The following WIPF2 variants were observed in gnomAD, a reference collection of about 807,000 sequenced individuals.
WIPF2 encodes the protein WAS/WASL interacting protein family member 2.
Under a neutral mutation model 38.8 loss-of-function variants are expected in WIPF2, and 23 were observed. The observed-to-expected ratio is 0.59, with a 90% CI of 0.43 to 0.84. WIPF2 has a LOEUF of 0.84. WIPF2 is among the 40% of genes least tolerant of loss of function. The pLI, the probability that WIPF2 is intolerant of heterozygous loss-of-function variation, is 0.00. For missense variants in WIPF2, 574 were observed against 580.5 expected, an observed-to-expected ratio of 0.99 and a Z score of 0.11; for synonymous variants, 210 against 223.2, an observed-to-expected ratio of 0.94 and a Z score of 0.53.
intron 1 of WIPF2, among the ~76,000 whole-genome samples, chr17:40,242,104 C>T (rs1026244088): frequency 6.6e-6 from 1 of 152,134 alleles, no homozygotes; most frequent in African/African-American, 2.4e-5. Flanking sequence ...AGCTGTAATA[C>T]AATTTTACAA....
rs1204623207 is a variant in WIPF2 at position 40,280,608 on chromosome 17, T to A, written c.*2383T>A. Reference sequence around the variant, plus strand: ...ACTTTGACTGTGAAGTCTTCCCATTTATTTTTGAAATGGGAGTCGATGCCT... The same window carrying A: ...ACTTTGACTGTGAAGTCTTCCCATTAATTTTTGAAATGGGAGTCGATGCCT... On this transcript the variant is annotated 3_prime_UTR_variant, in exon 8 of 8. Coordinates refer to ENST00000323571, the MANE Select transcript of WIPF2 (RefSeq NM_133264.5). 6.6e-6 allele frequency: 1 copy of A among 152,656 alleles called. No homozygotes were observed. Among genetic ancestry groups the A allele is most frequent in the Non-Finnish European group, 1.5e-5 (1 of 68,046 alleles). The allele number at this position is 152,656 out of a possible 1,614,324, so 9.5% of individuals were successfully genotyped here.
intron 1 of WIPF2, among the ~76,000 whole-genome samples, chr17:40,255,169 A>T (rs2031678227): frequency 6.6e-6 from 1 of 152,152 alleles, no homozygotes; most frequent in Admixed American, 6.6e-5. Flanking sequence ...CTTAAAACTC[A>T]ACAATAAAAA....
chr17:40,240,065 T>TG (rs2031131595), intron 1 of WIPF2, among the ~76,000 whole-genome samples: 1 of 151,252 alleles, frequency 6.6e-6, no homozygotes, highest in Admixed American at 6.6e-5. Context: ...TATACAGACT[T>TG]TTCTTTTTTT....
chr17:40,261,564 C>A (rs2031900711), intron 3 of WIPF2, among the ~76,000 whole-genome samples: 1 of 152,022 alleles, frequency 6.6e-6, no homozygotes. Context: ...TCTCAAAGTG[C>A]TGGGATTACA....
At chr17:40,267,599 G>T (rs2032129316) in intron 5 of WIPF2, among the ~76,000 whole-genome samples, 1 of 152,142 alleles carries the variant, frequency 6.6e-6, no homozygotes, top group Admixed American at 6.5e-5. Flanking sequence ...GAGTGCAGTG[G>T]TGCAATCTCT....
At chr17:40,276,816 C>A (rs575074253) in intron 6 of WIPF2, among the ~76,000 whole-genome samples, 13 of 151,964 alleles carry the variant, frequency 8.6e-5, no homozygotes, top group Non-Finnish European at 1.5e-4. Flanking sequence ...GGTGACAGAG[C>A]GAGACTGTCA....
At chr17:40,270,896 G>T (rs2032231483) in intron 5 of WIPF2, among the ~76,000 whole-genome samples, 2 of 152,112 alleles carry the variant, frequency 1.3e-5, no homozygotes, top group Admixed American at 6.5e-5. Flanking sequence ...GTGTGTGTGT[G>T]TGTGTATGTT....
intron 1 of WIPF2, among the ~76,000 whole-genome samples, chr17:40,235,165 G>C (rs924939210): frequency 6.6e-6 from 1 of 152,126 alleles, no homozygotes; most frequent in Non-Finnish European, 1.5e-5. Flanking sequence ...AAAGTGCTGG[G>C]ATTACAGGCT....
At chr17:40,256,813 G>A (rs1488344903) in intron 2 of WIPF2, among the ~76,000 whole-genome samples, 1 of 152,084 alleles carries the variant, frequency 6.6e-6, no homozygotes, top group Non-Finnish European at 1.5e-5. Context: ...TTCCTGAGAG[G>A]TCCTCTTAGG....
At chr17:40,242,851 G>A (rs928455463) in intron 1 of WIPF2, among the ~76,000 whole-genome samples, 1 of 152,156 alleles carries the variant, frequency 6.6e-6, no homozygotes, top group Non-Finnish European at 1.5e-5. Context: ...GTACACGTCC[G>A]CCTATCTCCC....
chr17:40,226,068 A>G (rs1239797491), intron 1 of WIPF2, among the ~76,000 whole-genome samples: 1 of 151,956 alleles, frequency 6.6e-6, no homozygotes, highest in Non-Finnish European at 1.5e-5. Flanking sequence ...TAAAGTGCAA[A>G]TTCACTGACC....
intron 6 of WIPF2, among the ~76,000 whole-genome samples, chr17:40,274,931 CAAAA>C (rs777312230): frequency 6.1e-4 from 28 of 45,570 alleles, no homozygotes; most frequent in African/African-American, 1.9e-3. Flanking sequence ...GAATCTGTCT[CAAAA>C]AAAAAAAAAA....
intron 3 of WIPF2, 23 bp from the exon 4 acceptor site, chr17:40,262,502 A>T (rs764399419): frequency 1.3e-6 from 2 of 1,598,932 alleles, no homozygotes; most frequent in South Asian, 2.2e-5. Flanking sequence ...GTGAAATGAA[A>T]ACCCTACTGG....
chr17:40,245,596 G>A (rs570376218), intron 1 of WIPF2, among the ~76,000 whole-genome samples: 1 of 152,068 alleles, frequency 6.6e-6, no homozygotes, highest in East Asian at 1.9e-4. Flanking sequence ...ACCCGCCTCG[G>A]CCTCCCAAAG....
chr17:40,237,331 C>T (rs959696422), intron 1 of WIPF2, among the ~76,000 whole-genome samples: 4 of 150,532 alleles, frequency 2.7e-5, no homozygotes, highest in African/African-American at 9.8e-5. Context: ...ATCTCCGCCT[C>T]CTGGGTTCAA....
intron 1 of WIPF2, among the ~76,000 whole-genome samples, chr17:40,238,613 A>T: frequency 6.7e-6 from 1 of 148,866 alleles, no homozygotes; most frequent in African/African-American, 2.5e-5. Flanking sequence ...TTATTTATTT[A>T]TTTATTATTA....
intron 1 of WIPF2, among the ~76,000 whole-genome samples, chr17:40,226,650 C>T (rs899521755): frequency 7.9e-5 from 12 of 152,114 alleles, no homozygotes; most frequent in African/African-American, 2.9e-4. Flanking sequence ...TATCTAAGAT[C>T]CAGATGTGAG....
intron 1 of WIPF2, among the ~76,000 whole-genome samples, chr17:40,242,616 G>A (rs141329820): frequency 0.012 from 1,891 of 152,156 alleles, 55 homozygotes; most frequent in African/African-American, 0.043. Flanking sequence ...TGGCCAGGCC[G>A]GTCTCAAACT....
intron 6 of WIPF2, among the ~76,000 whole-genome samples, chr17:40,275,020 AC>A (rs1410944603): frequency 6.6e-6 from 1 of 151,160 alleles, no homozygotes; most frequent in Non-Finnish European, 1.5e-5. Context: ...CAGGCGGATC[AC>A]CTGAGGTCAG....
Sources: gnomAD v4.1 joint callset for allele counts (sites outside exome capture counted in the v4.1 genomes callset) on GRCh38, gnomAD v4.1.1 for gene constraint, MANE v1.5 for transcripts, NCBI Gene and HGNC (gene_info 2026-07-23, HGNC 2026-07-21) for gene names.